Variants in NBN observed in about 807,000 individuals in gnomAD.
NBN encodes the protein nibrin.
A neutral mutation model predicts 90.8 loss-of-function variants in NBN; 88 were observed. The ratio of observed to expected loss-of-function variants is 0.97; its 90% CI spans 0.82 to 1.16. The LOEUF (loss-of-function observed/expected upper bound fraction) is 1.16, where lower values mean the gene tolerates loss of function less well. Ranked by LOEUF, NBN falls within the 50% of genes most tolerant of loss-of-function variation. The probability of loss-of-function intolerance (pLI) is 0.00; values close to 1 mark genes in which losing one functional copy is unlikely to be tolerated. For missense variants in NBN, 894 were observed against 869.6 expected (o/e 1.03, Z -0.35); for synonymous variants, 328 against 295.1 (o/e 1.11, Z -1.14).
intron 7 of NBN, among the ~76,000 whole-genome samples, chr8:89,966,455 A>G (rs139499937): frequency 1.3e-5 from 2 of 152,348 alleles, no homozygotes; most frequent in African/African-American, 2.4e-5. Flanking sequence ...ATTTATAATA[A>G]TATCAGAGAA....
Position 89,962,568 on chromosome 8 carries a change from G to C in NBN, c.994+1842C>G, listed in dbSNP as rs1805822. 2.4e-3 allele frequency among the ~76,000 whole-genome samples: 362 copies of C among 152,310 alleles called. 2 individuals carry two copies. The highest frequency in any genetic ancestry group is 8.3e-3 in the African/African-American group (344 of 41,574). ...TAAAAAGTTCCCTTGCCAAGAGCCT[G>C]AAGAGTTGGTCTTTAGCTTTTTACT... On this transcript the variant is annotated intron_variant, in intron 8 of 15. Transcript: ENST00000265433.
intron 15 of NBN, chr8:89,936,234 G>A (rs146391824): frequency 0.015 from 3,377 of 220,386 alleles, 113 homozygotes; most frequent in African/African-American, 0.073. Context: ...ATGCCACCAC[G>A]CCTGGCTAAT....
At chr8:89,965,883 T>C (rs1049469495) in intron 7 of NBN, among the ~76,000 whole-genome samples, 4 of 152,210 alleles carry the variant, frequency 2.6e-5, no homozygotes, top group African/African-American at 9.6e-5. Flanking sequence ...GATTCAGTTA[T>C]ACGTGCAATT....
chr8:89,983,872 C>T (rs758067802), intron 1 of NBN, among the ~76,000 whole-genome samples: 1 of 152,122 alleles, frequency 6.6e-6, no homozygotes, highest in Non-Finnish European at 1.5e-5. Context: ...TCCATACTCT[C>T]TTACCCTGCC....
chr8:89,977,701 A>G (rs1811832922), intron 5 of NBN, among the ~76,000 whole-genome samples: 1 of 152,208 alleles, frequency 6.6e-6, no homozygotes, highest in South Asian at 2.1e-4. Flanking sequence ...ACAGTGTAAA[A>G]GCCTTATTTC....
In NBN at chr8:89,935,458, A is replaced by G; in HGVS notation, c.*124T>C. 1 of 1,114,980 alleles carries G rather than the reference A, an allele frequency of 9.0e-7. No individual in the cohort carries two copies. Among genetic ancestry groups the G allele is most frequent in the Non-Finnish European group, 1.3e-6 (1 of 762,982 alleles). The allele number at this position is 1,114,980 out of a possible 1,614,324, so 69.1% of individuals were successfully genotyped here. A position where few individuals can be genotyped will look rare whatever the true frequency, so the allele number is the denominator to read the frequency against. ...AAAGTTTTGTGCATTTTATTTAATA[A>G]ATTTAGGCCATAAAACATTGTAACT... On this transcript the variant is annotated 3_prime_UTR_variant, in exon 16 of 16. Coordinates refer to ENST00000265433, the MANE Select transcript of NBN (RefSeq NM_002485.5).
chr8:89,946,337 TAAC>T, intron 12 of NBN, 42 bp from the exon 13 acceptor site: 2 of 1,517,976 alleles, frequency 1.3e-6, no homozygotes, highest in Non-Finnish European at 1.8e-6. Context: ...AGAGAAGAAA[TAAC>T]AAAGAAAAGT....
intron 8 of NBN, 159 bp from the exon 9 acceptor site, chr8:89,959,013 G>A: frequency 5.1e-6 from 2 of 394,718 alleles, no homozygotes; most frequent in Non-Finnish European, 6.9e-6. Flanking sequence ...ACACAAAACA[G>A]TCTATAAGCA....
At chr8:89,978,769 T>C (rs1184149073) in intron 4 of NBN, among the ~76,000 whole-genome samples, 1 of 152,164 alleles carries the variant, frequency 6.6e-6, no homozygotes, top group African/African-American at 2.4e-5. Context: ...TTCAAAAAGA[T>C]TGTAACTATG....
intron 5 of NBN, among the ~76,000 whole-genome samples, chr8:89,973,040 A>C (rs891816297): frequency 6.6e-6 from 1 of 152,242 alleles, no homozygotes. Flanking sequence ...GTTCCTAAAC[A>C]TATGTGTATG....
intron 11 of NBN, among the ~76,000 whole-genome samples, chr8:89,948,790 T>C (rs1810314658): frequency 6.6e-6 from 1 of 152,206 alleles, no homozygotes; most frequent in African/African-American, 2.4e-5. Flanking sequence ...GCACATATCA[T>C]TTACAGAAAG....
At chr8:89,946,441 G>T in intron 12 of NBN, 146 bp from the exon 13 acceptor site, 1 of 714,076 alleles carries the variant, frequency 1.4e-6, no homozygotes, top group Non-Finnish European at 2.3e-6. Flanking sequence ...CTTTGTATTT[G>T]GAATCAAATT....
chr8:89,964,524 G>A lies in NBN; in HGVS notation c.897-17C>T. 6.4e-7 allele frequency: 1 copy of A among 1,571,684 alleles called. No individual in the cohort carries two copies. Among genetic ancestry groups the A allele is most frequent in the Admixed American group, 1.7e-5 (1 of 59,902 alleles). ...AGACCTTGCCTATTAGAATAAAATA[G>A]TTTAAGTATGATAATATATTAAAAC... On this transcript the variant is annotated splice_polypyrimidine_tract_variant and intron_variant, in intron 7 of 15. Coordinates refer to ENST00000265433, the MANE Select transcript of NBN (RefSeq NM_002485.5).
At chr8:89,940,351 C>T (rs936467074) in intron 14 of NBN, among the ~76,000 whole-genome samples, 3 of 151,980 alleles carry the variant, frequency 2.0e-5, no homozygotes, top group South Asian at 2.1e-4. Context: ...TCTTAACTCC[C>T]GGGTTCAAGT....
intron 12 of NBN, chr8:89,946,571 T>A (rs995983733): frequency 6.6e-5 from 24 of 361,106 alleles, no homozygotes; most frequent in African/African-American, 5.1e-4. Context: ...AACCTAGTAG[T>A]TATTCTAATA....
intron 12 of NBN, among the ~76,000 whole-genome samples, chr8:89,947,460 T>C (rs1415634989): frequency 1.3e-5 from 2 of 151,772 alleles, no homozygotes; most frequent in Non-Finnish European, 2.9e-5. Context: ...AGAAACCCCG[T>C]CTCTATTAAA....
At chr8:89,969,734 C>G (rs1811418001) in intron 7 of NBN, among the ~76,000 whole-genome samples, 1 of 152,090 alleles carries the variant, frequency 6.6e-6, no homozygotes, top group South Asian at 2.1e-4. Flanking sequence ...GGTGGATCAT[C>G]TCAGGATGGG....
At chr8:89,938,501 C>T (rs1809792728) in intron 14 of NBN, among the ~76,000 whole-genome samples, 1 of 152,084 alleles carries the variant, frequency 6.6e-6, no homozygotes, top group Admixed American at 6.6e-5. Context: ...TGAAATCTCA[C>T]TTAATCTTCA....
Position 89,984,650 on chromosome 8 carries a change from G to A in NBN, c.-89C>T, listed in dbSNP as rs1812251644. 1 of 1,573,242 alleles carries A rather than the reference G, an allele frequency of 6.4e-7. No homozygotes were observed. Among genetic ancestry groups the A allele is most frequent in the Admixed American group, 1.8e-5 (1 of 55,508 alleles). Reference sequence around the variant, plus strand: ...CGGATACGGCGCCTGCGGTCGGCATGGGCTCCGGGACGTGCGCGCTCCCGG... The same window carrying A: ...CGGATACGGCGCCTGCGGTCGGCATAGGCTCCGGGACGTGCGCGCTCCCGG... On this transcript the variant is annotated 5_prime_UTR_variant, in exon 1 of 16. Transcript: ENST00000265433.
Sources: allele counts gnomAD v4.1 joint callset (sites outside exome capture counted in the v4.1 genomes callset), GRCh38; gene constraint gnomAD v4.1.1; transcripts MANE v1.5; gene names NCBI Gene and HGNC (gene_info 2026-07-23, HGNC 2026-07-21).